The following RSRP1 variants were observed in gnomAD, a reference collection of about 807,000 sequenced individuals.
RSRP1 encodes the protein arginine and serine rich protein 1.
RSRP1 carries 37 observed loss-of-function variants against 33.0 expected under a neutral mutation model. The observed-to-expected ratio is 1.12, with a 90% confidence interval of 0.86 to 1.48. The LOEUF (loss-of-function observed/expected upper bound fraction) is 1.48. Among genes scored for constraint, RSRP1 ranks in the 40% most tolerant of loss-of-function variants. The pLI, the probability that RSRP1 is intolerant of heterozygous loss-of-function variation, is 0.00. For missense variants in RSRP1, 402 were observed against 385.3 expected (o/e 1.04, Z -0.36); for synonymous variants, 167 against 158.7 (o/e 1.05, Z -0.40).
rs1315170898 is a variant in RSRP1, at chr1:25,300,894, G to A, written c.-67+37084C>T. 10 of 1,364,662 alleles carry A rather than the reference G, an allele frequency of 7.3e-6. 2 individuals carry two copies. Among genetic ancestry groups the A allele is most frequent in the Non-Finnish European group, 1.0e-5 (10 of 970,222 alleles). The allele number at this position is 1,364,662 out of a possible 1,614,324, so 84.5% of individuals were successfully genotyped here. ...CTTTCTCCAAGGACTATCAGGGCTT[G>A]CCCCGGGCAGAGGATGCCGACACTC... is the stretch of plus-strand genomic sequence containing the variant. On this transcript the variant is annotated intron_variant, in intron 1 of 1. Transcript: ENST00000561867.
chr1:25,321,674 T>TAATAAAATAAAATAAAATA, intron 1 of RSRP1, among the ~76,000 whole-genome samples: 1 of 91,300 alleles, frequency 1.1e-5, no homozygotes, highest in East Asian at 2.3e-4. Context: ...TGTCTCAAAA[T>TAATAAAATAAAATAAAATA]AAATAAAATA....
chr1:25,289,575 A>G (rs1370143085), intron 1 of RSRP1, among the ~76,000 whole-genome samples: 2 of 128,022 alleles, frequency 1.6e-5, no homozygotes, highest in African/African-American at 5.3e-5. Flanking sequence ...CATTATCATC[A>G]CTGTTGCTGT....
upstream of RSRP1, chr1:25,248,441 G>A (rs1639648206): frequency 6.8e-6 from 1 of 145,998 alleles, no homozygotes; most frequent in Admixed American, 7.1e-5. Context: ...CCAGGCTCCC[G>A]AAGAGCTGGA....
chr1:25,294,253 A>C, intron 1 of RSRP1: 1 of 995,390 alleles, frequency 1.0e-6, no homozygotes, highest in Non-Finnish European at 1.6e-6. Context: ...AAAGCTGAAA[A>C]TGCCAAAAGC....
Position 25,246,664 on chromosome 1 carries a change from G to A in RSRP1, c.300C>T (p.Phe100=), listed in dbSNP as rs773698075. ...AAGGAGACCGGTAGTATCTCCTGGT[G>A]AACCCGTAGCGCCTCTCTCGGTAAC... ...SRRYRERRYG[F]TRRYYRSPSR... The change falls in exon 2 of 5, where the codon TTC becomes TTT. Residue 100 remains phenylalanine, a synonymous_variant. Coordinates refer to ENST00000243189, the MANE Select transcript of RSRP1 (RefSeq NM_020317.5). 6.2e-7 allele frequency: 1 copy of A among 1,613,610 alleles called. No individual in the cohort carries two copies. Among genetic ancestry groups the A allele is most frequent in the Admixed American group, 1.7e-5 (1 of 60,022 alleles).
At chr1:25,298,098 T>C (rs540600238) in intron 1 of RSRP1, among the ~76,000 whole-genome samples, 24 of 117,902 alleles carry the variant, frequency 2.0e-4, no homozygotes, top group African/African-American at 6.4e-4. Flanking sequence ...AACAACTCTT[T>C]TCTCTCAGTT....
rs1226587413 is a variant in RSRP1 at position 25,319,875 on chromosome 1, A to T, written c.-67+18103T>A. On this transcript the variant is annotated intron_variant, in intron 1 of 1. Transcript: ENST00000561867. ...GCAGAAGTTAGAAGTGAAAGCAAAGAGCCTAACAGAGGAAGAGAAATTCTT... is the reference window on the plus strand; with the variant it reads ...GCAGAAGTTAGAAGTGAAAGCAAAGTGCCTAACAGAGGAAGAGAAATTCTT... Among the ~76,000 whole-genome samples the T allele has an allele frequency of 1.5e-5, 2 of 131,620 alleles. 1 individual carries two copies. The highest frequency in any genetic ancestry group is 3.6e-5 in the Non-Finnish European group (2 of 55,588). The allele number at this position is 131,620 out of a possible 152,430, so 86.3% of individuals were successfully genotyped here.
intron 1 of RSRP1, among the ~76,000 whole-genome samples, chr1:25,269,373 C>T (rs1640424999): frequency 7.5e-6 from 1 of 132,774 alleles, no homozygotes; most frequent in South Asian, 2.3e-4. Context: ...AGTTGAAAAG[C>T]GTTAAGTCAA....
chr1:25,252,872 G>A (rs1639833595), intron 1 of RSRP1, among the ~76,000 whole-genome samples: 1 of 151,848 alleles, frequency 6.6e-6, no homozygotes, highest in Non-Finnish European at 1.5e-5. Flanking sequence ...ATGAGGCCTA[G>A]GCACAAGGGC....
At chr1:25,253,632 T>C (rs1639859495) in intron 1 of RSRP1, 1 of 152,332 alleles carries the variant, frequency 6.6e-6, no homozygotes, top group African/African-American at 2.4e-5. Flanking sequence ...AGTGCTGGGA[T>C]TACAGGTGTG....
At position 25,297,051 on chromosome 1, in the gene RSRP1, C is replaced by A. The variant is rs187408993; in HGVS notation, c.-67+40927G>T. On this transcript the variant is annotated intron_variant, in intron 1 of 1. Transcript: ENST00000561867. ...ATTTCACCAATTTTCTCAATAATAT[C>A]TTTTCTAGAAAAAAATATATATTTT... is the stretch of plus-strand genomic sequence containing the variant. Among the ~76,000 whole-genome samples, 89 of 130,878 alleles carry A rather than the reference C, an allele frequency of 6.8e-4. 13 individuals carry two copies. The highest frequency in any genetic ancestry group is 2.1e-3 in the African/African-American group (78 of 37,866). 85.9% of individuals were successfully genotyped at this position (130,878 alleles called of 152,430 possible).
chr1:25,261,221 T>TA (rs941295614), intron 1 of RSRP1, among the ~76,000 whole-genome samples: 1 of 152,202 alleles, frequency 6.6e-6, no homozygotes, highest in African/African-American at 2.4e-5. Context: ...CTTTAGGGGT[T>TA]AGGGCTTCAA....
chr1:25,244,264 TCA>T (rs1249460502), intron 3 of RSRP1: 6 of 1,289,166 alleles, frequency 4.7e-6, no homozygotes, highest in East Asian at 5.5e-5. Flanking sequence ...GACATCTTTT[TCA>T]CAGATGCCCC....
intron 1 of RSRP1, chr1:25,253,609 CCT>C (rs1368983389): frequency 6.6e-6 from 1 of 152,304 alleles, no homozygotes; most frequent in African/African-American, 2.4e-5. Context: ...GATCCGCCCA[CCT>C]CGCCTCCCAA....
intron 1 of RSRP1, among the ~76,000 whole-genome samples, chr1:25,311,280 G>A (rs1165579951): frequency 1.5e-5 from 2 of 131,318 alleles, no homozygotes; most frequent in East Asian, 3.9e-4. Context: ...AAATCTGTAG[G>A]TCAGCCATGT....
Position 25,262,776 on chromosome 1 carries a change from T to C in RSRP1, c.-66-15747A>G, listed in dbSNP as rs569747451. 2.0e-5 allele frequency among the ~76,000 whole-genome samples: 3 copies of C among 152,314 alleles called. No individual in the cohort carries two copies. The East Asian group carries it at 5.8e-4, about 29-fold the overall frequency. ...AAATCCAAGGGCAGGAATGGAAGCGTGTATTCCAGCTCCAAGAGAGTAAGA... is the reference window on the plus strand; with the variant it reads ...AAATCCAAGGGCAGGAATGGAAGCGCGTATTCCAGCTCCAAGAGAGTAAGA... On this transcript the variant is annotated intron_variant, in intron 1 of 1. Transcript: ENST00000561867.
upstream of RSRP1, among the ~76,000 whole-genome samples, chr1:25,252,284 A>G (rs1034525051): frequency 3.3e-5 from 5 of 152,078 alleles, no homozygotes; most frequent in African/African-American, 1.2e-4. Flanking sequence ...AGGTACAAGC[A>G]AACACACAGC....
rs1409182360 is a variant in RSRP1 at position 25,280,422 on chromosome 1, C to T, written c.-66-33393G>A. Among the ~76,000 whole-genome samples the T allele has an allele frequency of 7.1e-5, 9 of 127,436 alleles. No individual in the cohort carries two copies. The East Asian group carries it at 1.8e-3, about 25-fold the overall frequency. The allele number at this position is 127,436 out of a possible 152,430, so 83.6% of individuals were successfully genotyped here. A position where few individuals can be genotyped will look rare whatever the true frequency, so the allele number is the denominator to read the frequency against. ...CTGGGTTCAAGCGATTCTCCTGCCT[C>T]AGCCTCCTGAGTAGCTGGGATTACA... On this transcript the variant is annotated intron_variant, in intron 1 of 1. Coordinates refer to the RSRP1 transcript ENST00000561867.
intron 1 of RSRP1, among the ~76,000 whole-genome samples, chr1:25,257,018 G>A (rs1270741771): frequency 1.3e-5 from 2 of 152,202 alleles, no homozygotes; most frequent in Admixed American, 6.5e-5. Flanking sequence ...TTCACTGGGA[G>A]CCAAAGCCAC....
Sources: gnomAD v4.1 joint callset for allele counts (sites outside exome capture counted in the v4.1 genomes callset) on GRCh38, gnomAD v4.1.1 for gene constraint, MANE v1.5 for transcripts, NCBI Gene and HGNC (gene_info 2026-07-23, HGNC 2026-07-21) for gene names.